GRM5: variants seen among roughly 807,000 people sequenced by gnomAD.
GRM5 encodes the protein glutamate metabotropic receptor 5, also known as metabotropic glutamate receptor 5.
A neutral mutation model predicts 83.1 loss-of-function variants in GRM5; 19 were observed. The ratio of observed to expected loss-of-function variants is 0.23; its 90% CI spans 0.16 to 0.34. The LOEUF is 0.34. Among genes scored for constraint, GRM5 ranks in the 10% least tolerant of loss-of-function variants. The probability of loss-of-function intolerance (pLI) is 1.00; values close to 1 mark genes in which losing one functional copy is unlikely to be tolerated. For missense variants in GRM5, 1,160 were observed against 1,588.3 expected (o/e 0.73, Z 4.58); for synonymous variants, 675 against 633.6 (o/e 1.07, Z -0.98).
intron 8 of GRM5, among the ~76,000 whole-genome samples, chr11:88,559,280 C>T (rs1007975058): frequency 4.6e-5 from 7 of 152,092 alleles, no homozygotes; most frequent in South Asian, 4.1e-4. Flanking sequence ...AATTCCTTGG[C>T]GGGGAGTTCT....
At chr11:88,872,419 A>G (rs561833672) in intron 2 of GRM5, among the ~76,000 whole-genome samples, 17 of 151,688 alleles carry the variant, frequency 1.1e-4, no homozygotes, top group Middle Eastern at 6.8e-3. Context: ...TGAGGCTGCA[A>G]TTATTTCTCC....
intron 8 of GRM5, among the ~76,000 whole-genome samples, chr11:88,551,768 G>C (rs1179827391): frequency 1.2e-4 from 19 of 152,118 alleles, no homozygotes. Context: ...ATTGTAAGAA[G>C]TGAATTAGAT....
At chr11:88,943,978 T>A (rs1938194484) in intron 2 of GRM5, among the ~76,000 whole-genome samples, 1 of 152,004 alleles carries the variant, frequency 6.6e-6, no homozygotes, top group Non-Finnish European at 1.5e-5. Context: ...TTGTAAATAG[T>A]AAACATGAAT....
chr11:88,638,282 G>T (rs2135282118), intron 4 of GRM5, among the ~76,000 whole-genome samples: 1 of 151,848 alleles, frequency 6.6e-6, no homozygotes, highest in South Asian at 2.1e-4. Context: ...TTGTGCACAT[G>T]TACCCTAAAA....
chr11:89,016,407 C>T (rs1204320476), intron 2 of GRM5, among the ~76,000 whole-genome samples: 1 of 151,752 alleles, frequency 6.6e-6, no homozygotes, highest in East Asian at 1.9e-4. Flanking sequence ...TTTATGCTGA[C>T]ATGTCTTTAT....
intron 2 of GRM5, among the ~76,000 whole-genome samples, chr11:88,998,213 C>T (rs530421318): frequency 1.8e-3 from 267 of 152,098 alleles, no homozygotes; most frequent in Non-Finnish European, 3.0e-3. Context: ...TTCAGCAGTA[C>T]ATAAAAACGA....
intron 3 of GRM5, among the ~76,000 whole-genome samples, chr11:88,768,344 A>G (rs1414267044): frequency 1.3e-5 from 2 of 152,054 alleles, no homozygotes; most frequent in African/African-American, 4.8e-5. Flanking sequence ...CCAATCACAG[A>G]AAAGACAAAT....
intron 2 of GRM5, among the ~76,000 whole-genome samples, chr11:88,974,534 TTA>T (rs1287739735): frequency 6.6e-6 from 1 of 152,182 alleles, no homozygotes; most frequent in African/African-American, 2.4e-5. Flanking sequence ...TTAAAGAATC[TTA>T]TATTCCAAGT....
intron 3 of GRM5, among the ~76,000 whole-genome samples, chr11:88,671,965 A>C (rs181716473): frequency 6.6e-6 from 1 of 152,076 alleles, no homozygotes; most frequent in Non-Finnish European, 1.5e-5. Flanking sequence ...TAAACAGAAA[A>C]CTTAAAATTT....
intron 3 of GRM5, among the ~76,000 whole-genome samples, chr11:88,700,452 C>A (rs1370684576): frequency 6.6e-6 from 1 of 152,092 alleles, no homozygotes; most frequent in Non-Finnish European, 1.5e-5. Flanking sequence ...AACCTAGAAG[C>A]AATAGAGACA....
chr11:88,739,425 C>T (rs1398908777), intron 3 of GRM5, among the ~76,000 whole-genome samples: 1 of 152,062 alleles, frequency 6.6e-6, no homozygotes, highest in Admixed American at 6.6e-5. Flanking sequence ...ACTCCATATA[C>T]TTATTGTATC....
At chr11:88,526,430 G>T (rs901061818) in intron 8 of GRM5, among the ~76,000 whole-genome samples, 14 of 152,172 alleles carry the variant, frequency 9.2e-5, no homozygotes, top group African/African-American at 3.4e-4. Flanking sequence ...CTTCATGAAA[G>T]TCACAAGCCT....
intron 2 of GRM5, among the ~76,000 whole-genome samples, chr11:88,874,984 C>T (rs1005266909): frequency 4.0e-5 from 6 of 151,782 alleles, no homozygotes; most frequent in African/African-American, 7.3e-5. Context: ...TGTCTTGATA[C>T]TGATGGCTAC....
At chr11:88,563,859 C>A (rs1942812153) in intron 8 of GRM5, among the ~76,000 whole-genome samples, 1 of 152,086 alleles carries the variant, frequency 6.6e-6, no homozygotes, top group African/African-American at 2.4e-5. Context: ...GAGCTGAATC[C>A]CTGCATAACC....
intron 2 of GRM5, among the ~76,000 whole-genome samples, chr11:88,988,884 C>A (rs1050646423): frequency 2.0e-5 from 3 of 146,536 alleles, no homozygotes; most frequent in African/African-American, 7.7e-5. Flanking sequence ...AAGGAACAAC[C>A]GGTACCAGCC....
At chr11:89,023,693 A>T (rs558791055) in intron 2 of GRM5, among the ~76,000 whole-genome samples, 9 of 150,702 alleles carry the variant, frequency 6.0e-5, no homozygotes, top group East Asian at 3.9e-4. Flanking sequence ...AAAATAAATT[A>T]AAAAAAAATA....
intron 4 of GRM5, among the ~76,000 whole-genome samples, chr11:88,622,413 A>G (rs1565158103): frequency 6.6e-6 from 1 of 152,230 alleles, no homozygotes; most frequent in Non-Finnish European, 1.5e-5. Context: ...TAAAACGAAC[A>G]TTTTCTAAAT....
chr11:88,708,331 A>G (rs1941206518), intron 3 of GRM5, among the ~76,000 whole-genome samples: 1 of 152,194 alleles, frequency 6.6e-6, no homozygotes, highest in East Asian at 1.9e-4. Context: ...TGAAACAGGG[A>G]ATAATTTTTT....
In GRM5 at chr11:88,508,991, C is replaced by T. The variant is rs201844507; in HGVS notation, c.3240G>A (p.Leu1080=). 2.5e-5 allele frequency: 39 copies of T among 1,580,408 alleles called. No individual in the cohort carries two copies. The African/African-American group carries it at 4.8e-4, about 20-fold the overall frequency. ...ANISELNSMM[L]STAAPSPGVG... The stretch of plus-strand genomic sequence containing the variant: ...CGCCGGGGCTGGGGGCCGCGGTGGA[C>T]AGCATCATGGAGTTGAGCTCGCTGA... Residue 1080 remains leucine, a synonymous_variant, in exon 10 of 10, where the codon CTG becomes CTA. Transcript: ENST00000305447. The surrounding 1 kb of genome is among the most constrained non-coding windows in gnomAD (Gnocchi z 4.2).
Sources: gnomAD v4.1 joint callset for allele counts (sites outside exome capture counted in the v4.1 genomes callset) on GRCh38, gnomAD v4.1.1 for gene constraint, Gnocchi (gnomAD v3.1) non-coding constraint, MANE v1.5 for transcripts, NCBI Gene and HGNC (gene_info 2026-07-23, HGNC 2026-07-21) for gene names.